The following GPR21 variants were observed in gnomAD, a reference collection of about 807,000 sequenced individuals.
GPR21 encodes the protein G protein-coupled receptor 21, also known as probable G protein-coupled receptor 21.
In GPR21, 9 loss-of-function variants were observed where a neutral mutation model predicts 21.5. The observed-to-expected ratio is 0.42, with a 90% CI of 0.25 to 0.73. The LOEUF (loss-of-function observed/expected upper bound fraction) is 0.73, where lower values mean the gene tolerates loss of function less well. Ranked by LOEUF, GPR21 falls within the 30% of genes least tolerant of loss-of-function variation. The pLI is 0.27. For missense variants in GPR21, 416 were observed against 428.9 expected (o/e 0.97, Z 0.27); for synonymous variants, 169 against 159.3 (o/e 1.06, Z -0.46).
chr9:123,035,466 CTG>C lies in GPR21; in HGVS notation c.904_905del (p.Val302AsnfsTer3). The C allele has an allele frequency of 6.2e-7, 1 of 1,614,140 alleles. No individual in the cohort carries two copies. The highest frequency in any genetic ancestry group is 8.5e-7 in the Non-Finnish European group (1 of 1,179,984). On this transcript the variant is annotated frameshift_variant, in exon 2 of 2. Transcript: ENST00000616002. LOFTEE classifies it high-confidence loss of function. ...TTGCTATTAGTAACAGTTTCTGCAA[CTG>C]TGTAATTTATAGTCTCTCCAACAGT... ...WLAISNSFCNCVIYSLSNSVF... is the reference protein window; with the variant it reads ...WLAISNSFCNXVIYSLSNSVF...
At chr9:123,047,653 T>G in the GPR21 span, among the ~76,000 whole-genome samples, 1 of 152,080 alleles carries the variant, frequency 6.6e-6, no homozygotes, top group East Asian at 1.9e-4. Flanking sequence ...CAATATGATT[T>G]TTCTTATATG....
downstream of GPR21, among the ~76,000 whole-genome samples, chr9:123,036,967 T>G (rs538388481): frequency 5.3e-5 from 8 of 152,308 alleles, no homozygotes; most frequent in African/African-American, 1.9e-4. Flanking sequence ...TTTATTTTTC[T>G]AAAAGGAGAG....
rs763453957 is a variant in GPR21, at chr9:123,034,815, G to A, written c.249G>A (p.Val83=). The change falls in exon 2 of 2, where the codon GTG becomes GTA. Residue 83 remains valine (V), a synonymous_variant. Coordinates refer to ENST00000616002, the MANE Select transcript of GPR21 (RefSeq NM_005294.3). ...YADLFVGVSC[V]VPSLSLLHHP... Reference sequence around the variant, plus strand: ...ACCTTTTTGTTGGGGTGAGCTGCGTGGTCCCTTCTTTATCACTCCTCCATC... The same window carrying A: ...ACCTTTTTGTTGGGGTGAGCTGCGTAGTCCCTTCTTTATCACTCCTCCATC... The A allele has an allele frequency of 3.7e-6, 6 of 1,613,904 alleles. No individual in the cohort carries two copies. In the Admixed American group the frequency reaches 8.3e-5, roughly 22 times the overall value.
chr9:123,037,588 T>C (rs74383313), downstream of GPR21, among the ~76,000 whole-genome samples: 639 of 152,374 alleles, frequency 4.2e-3, 7 homozygotes, highest in East Asian at 0.034. Flanking sequence ...TTACCTTTTT[T>C]CATACATGTT....
chr9:123,047,946 T>TGAAGAGCACCACAGTCCTGAGCTGCCA, the GPR21 span, among the ~76,000 whole-genome samples: 1 of 100,158 alleles, frequency 1.0e-5, no homozygotes, highest in Non-Finnish European at 1.8e-5. Flanking sequence ...TTTTTTTTTT[T>TGAAGAGCACCACAGTCCTGAGCTGCCA]TTTTTTTTTG....
At chr9:123,036,956 G>A (rs577633173), downstream of GPR21, among the ~76,000 whole-genome samples, 1 of 152,124 alleles carries the variant, frequency 6.6e-6, no homozygotes, top group Non-Finnish European at 1.5e-5. Context: ...AGAGCAAGAG[G>A]TTTATTTTTC....
chr9:123,042,285 A>G, the GPR21 span, among the ~76,000 whole-genome samples: 4 of 152,196 alleles, frequency 2.6e-5, no homozygotes, highest in Non-Finnish European at 4.4e-5. Flanking sequence ...CATCCCACCC[A>G]TGCACACAGA....
chr9:123,035,860 A>G (rs1049917623), downstream of GPR21, among the ~76,000 whole-genome samples: 4 of 152,134 alleles, frequency 2.6e-5, no homozygotes, highest in Middle Eastern at 3.2e-3. Flanking sequence ...CTTGCTCTCA[A>G]TTTTTGAAAT....
the GPR21 span, among the ~76,000 whole-genome samples, chr9:123,042,837 G>A: frequency 6.6e-6 from 1 of 152,300 alleles, no homozygotes; most frequent in Non-Finnish European, 1.5e-5. Context: ...CCATTTCAGT[G>A]TAATAAAAAG....
chr9:123,047,930 T>TTC, the GPR21 span, among the ~76,000 whole-genome samples: 1 of 71,424 alleles, frequency 1.4e-5, no homozygotes, highest in Non-Finnish European at 2.3e-5. Flanking sequence ...TTTTTTTTTT[T>TTC]TTTTTTTTTT....
the GPR21 span, among the ~76,000 whole-genome samples, chr9:123,048,365 C>G: frequency 0.022 from 3,414 of 152,236 alleles, 60 homozygotes; most frequent in Middle Eastern, 0.048. Context: ...CATTTATAAG[C>G]ATTTTCTTGG....
At chr9:123,038,810 GCTGTAAACGA>G (rs1410410225), downstream of GPR21, among the ~76,000 whole-genome samples, 1 of 151,598 alleles carries the variant, frequency 6.6e-6, no homozygotes, top group East Asian at 1.9e-4. Flanking sequence ...ATTTCTTATG[GCTGTAAACGA>G]GTCATTTGGC....
In GPR21 at chr9:123,034,808, G is replaced by C. The variant is rs201129312; in HGVS notation, c.242G>C (p.Ser81Thr). The change falls in exon 2 of 2, where the codon AGC becomes ACC. Residue 81 changes from serine (S) to threonine (T), a missense_variant. Coordinates refer to ENST00000616002, the MANE Select transcript of GPR21 (RefSeq NM_005294.3). ...MAYADLFVGV[S>T]CVVPSLSLLH... Reference sequence around the variant, plus strand: ...TATGCTGACCTTTTTGTTGGGGTGAGCTGCGTGGTCCCTTCTTTATCACTC... The same window carrying C: ...TATGCTGACCTTTTTGTTGGGGTGACCTGCGTGGTCCCTTCTTTATCACTC... 4 of 1,613,886 alleles carry C rather than the reference G, an allele frequency of 2.5e-6. No homozygotes were observed. The Admixed American group carries it at 5.0e-5, about 20-fold the overall frequency.
At chr9:123,039,614 A>G (rs556539485), downstream of GPR21, among the ~76,000 whole-genome samples, 1 of 152,298 alleles carries the variant, frequency 6.6e-6, no homozygotes, top group East Asian at 1.9e-4. Context: ...TAATGTGGTA[A>G]TGTGAGTCCT....
At position 123,034,818 on chromosome 9, in the gene GPR21, C is replaced by G. The variant is rs2032526590; in HGVS notation, c.252C>G (p.Val84=). 1 of 1,613,916 alleles carries G rather than the reference C, an allele frequency of 6.2e-7. No individual in the cohort carries two copies. The highest frequency in any genetic ancestry group is 8.5e-7 in the Non-Finnish European group (1 of 1,179,876). ...ADLFVGVSCV[V]PSLSLLHHPL... is the part of the protein sequence containing the mutation. ...TTTTTGTTGGGGTGAGCTGCGTGGT[C>G]CCTTCTTTATCACTCCTCCATCACC... The change falls in exon 2 of 2, where the codon GTC becomes GTG. Residue 84 remains valine, a synonymous_variant. Transcript: ENST00000616002.
In GPR21 at chr9:123,035,638, CCGTGTGTGTGTGTGTG is replaced by C; in HGVS notation, c.*23_*38del. 8.6e-7 allele frequency: 1 copy of C among 1,159,200 alleles called. No homozygotes were observed. Among genetic ancestry groups the C allele is most frequent in the Non-Finnish European group, 1.2e-6 (1 of 819,100 alleles). The allele number at this position is 1,159,200 out of a possible 1,614,324, so 71.8% of individuals were successfully genotyped here. ...CTGAAGTGGCTCAGTTACGGGGTTC[CCGTGTGTGTGTGTGTG>C]TGTGTGTGTGTGTGTGTGTGTGTGT... On this transcript the variant is annotated 3_prime_UTR_variant, in exon 2 of 2. Coordinates refer to ENST00000616002, the MANE Select transcript of GPR21 (RefSeq NM_005294.3).
At chr9:123,043,340 C>A in the GPR21 span, among the ~76,000 whole-genome samples, 1 of 151,948 alleles carries the variant, frequency 6.6e-6, no homozygotes, top group South Asian at 2.1e-4. Context: ...GGAGCAGGAA[C>A]AAAGAAGGCA....
chr9:123,048,519 A>G, the GPR21 span, among the ~76,000 whole-genome samples: 1 of 152,244 alleles, frequency 6.6e-6, no homozygotes, highest in Non-Finnish European at 1.5e-5. Flanking sequence ...CAAAATCTTT[A>G]AACAAATAGT....
downstream of GPR21, among the ~76,000 whole-genome samples, chr9:123,040,412 A>G (rs1199719072): frequency 6.6e-6 from 1 of 152,192 alleles, no homozygotes; most frequent in Non-Finnish European, 1.5e-5. Context: ...ATCTCAGAAC[A>G]TGGTTCTGTA....
Sources: allele counts gnomAD v4.1 joint callset (sites outside exome capture counted in the v4.1 genomes callset), GRCh38; gene constraint gnomAD v4.1.1; transcripts MANE v1.5; gene names NCBI Gene and HGNC (gene_info 2026-07-23, HGNC 2026-07-21).